GRIA4: variants seen among roughly 807,000 people sequenced by gnomAD.
The protein encoded by GRIA4 is glutamate receptor 4.
In GRIA4, 34 loss-of-function variants were observed where a neutral mutation model predicts 104.0. The ratio of observed to expected loss-of-function variants is 0.33; its 90% CI spans 0.25 to 0.44. The LOEUF (loss-of-function observed/expected upper bound fraction) is 0.44, where lower values mean the gene tolerates loss of function less well. Ranked by LOEUF, GRIA4 falls within the 20% of genes least tolerant of loss-of-function variation. The probability of loss-of-function intolerance (pLI) is 1.00; values close to 1 mark genes in which losing one functional copy is unlikely to be tolerated. For synonymous variants in GRIA4, 386 were observed against 381.9 expected (o/e 1.01, Z -0.13); for missense variants, 750 against 1,096.5 (o/e 0.68, Z 4.46).
At chr11:105,645,442 G>A (rs1489632775) in intron 3 of GRIA4, among the ~76,000 whole-genome samples, 1 of 152,140 alleles carries the variant, frequency 6.6e-6, no homozygotes, top group Non-Finnish European at 1.5e-5. Flanking sequence ...AAAGCAACAA[G>A]TTCAAAGATT....
chr11:105,738,241 T>C (rs1048983203), intron 3 of GRIA4, among the ~76,000 whole-genome samples: 4 of 152,194 alleles, frequency 2.6e-5, no homozygotes, highest in Non-Finnish European at 5.9e-5. Flanking sequence ...GAGGAATTAT[T>C]CATTCTGTAG....
At chr11:105,654,019 A>G (rs1297790106) in intron 3 of GRIA4, among the ~76,000 whole-genome samples, 11 of 148,594 alleles carry the variant, frequency 7.4e-5, no homozygotes, top group Non-Finnish European at 1.2e-4. Flanking sequence ...AAAAAAAAAA[A>G]AAAAAAAAGA....
chr11:105,874,897 C>G (rs904386355), intron 5 of GRIA4, among the ~76,000 whole-genome samples: 5 of 152,182 alleles, frequency 3.3e-5, no homozygotes, highest in African/African-American at 4.8e-5. Flanking sequence ...TATCTGAATA[C>G]ACTTCATCTC....
At chr11:105,893,455 A>G (rs1338790432) in intron 6 of GRIA4, among the ~76,000 whole-genome samples, 3 of 152,224 alleles carry the variant, frequency 2.0e-5, no homozygotes, top group Admixed American at 6.5e-5. Context: ...ATGAAAATAT[A>G]TGAAAAATAT....
intron 7 of GRIA4, among the ~76,000 whole-genome samples, chr11:105,902,775 A>G (rs1474584303): frequency 6.6e-6 from 1 of 152,192 alleles, no homozygotes; most frequent in Non-Finnish European, 1.5e-5. Context: ...TAAGGAACTG[A>G]CCATATGGAA....
chr11:105,867,606 G>A (rs1945470488), intron 5 of GRIA4, among the ~76,000 whole-genome samples: 1 of 152,116 alleles, frequency 6.6e-6, no homozygotes, highest in African/African-American at 2.4e-5. Context: ...ATAACTGGTT[G>A]AGTCAATACC....
chr11:105,803,862 AG>A (rs373661966), intron 4 of GRIA4, among the ~76,000 whole-genome samples: 3,487 of 136,630 alleles, frequency 0.026, 105 homozygotes, highest in African/African-American at 0.077. Flanking sequence ...AAAAAAAAAA[AG>A]AGAGAGAGAG....
intron 10 of GRIA4, among the ~76,000 whole-genome samples, chr11:105,918,403 T>C (rs1947468865): frequency 6.6e-6 from 1 of 152,130 alleles, no homozygotes; most frequent in Non-Finnish European, 1.5e-5. Context: ...CCAAAGAATA[T>C]AATTTATGCT....
chr11:105,918,190 C>T (rs1011123959), intron 10 of GRIA4, among the ~76,000 whole-genome samples: 20 of 152,146 alleles, frequency 1.3e-4, no homozygotes, highest in African/African-American at 4.3e-4. Flanking sequence ...CAAGTGCCTG[C>T]TCTGAGACAA....
At chr11:105,757,336 C>A (rs1235557782) in intron 4 of GRIA4, among the ~76,000 whole-genome samples, 1 of 151,970 alleles carries the variant, frequency 6.6e-6, no homozygotes, top group Non-Finnish European at 1.5e-5. Context: ...GTAAAGGATT[C>A]GAGGGCAGAT....
chr11:105,631,048 T>G (rs1445933120), intron 3 of GRIA4, among the ~76,000 whole-genome samples: 1 of 152,204 alleles, frequency 6.6e-6, no homozygotes, highest in Non-Finnish European at 1.5e-5. Context: ...CTCCCCACCT[T>G]GTTTATTACA....
intron 3 of GRIA4, among the ~76,000 whole-genome samples, chr11:105,624,736 G>A (rs568249428): frequency 1.3e-5 from 2 of 151,976 alleles, no homozygotes; most frequent in East Asian, 1.9e-4. Flanking sequence ...AAACATGCAC[G>A]TCTCCTGCTT....
intron 7 of GRIA4, among the ~76,000 whole-genome samples, chr11:105,902,639 G>C (rs1490975535): frequency 2.0e-5 from 3 of 152,082 alleles, no homozygotes; most frequent in Admixed American, 2.0e-4. Flanking sequence ...CCAGCCCTAA[G>C]TTTACTTTCT....
At chr11:105,704,140 TAA>T (rs960742545) in intron 3 of GRIA4, among the ~76,000 whole-genome samples, 1 of 152,164 alleles carries the variant, frequency 6.6e-6, no homozygotes, top group Non-Finnish European at 1.5e-5. Flanking sequence ...TAGCAGCCAC[TAA>T]AGAAATGGCC....
At chr11:105,904,318 C>T (rs1323806882) in intron 8 of GRIA4, among the ~76,000 whole-genome samples, 5 of 152,206 alleles carry the variant, frequency 3.3e-5, no homozygotes, top group African/African-American at 1.2e-4. Flanking sequence ...AGGACGTAGG[C>T]TTGCAGAGCA....
At chr11:105,704,822 T>C (rs1310377056) in intron 3 of GRIA4, among the ~76,000 whole-genome samples, 1 of 152,162 alleles carries the variant, frequency 6.6e-6, no homozygotes, top group African/African-American at 2.4e-5. Flanking sequence ...TTCAACATTA[T>C]AGCAATGTTT....
intron 3 of GRIA4, among the ~76,000 whole-genome samples, chr11:105,692,104 T>C (rs1189499106): frequency 3.3e-5 from 5 of 151,956 alleles, no homozygotes; most frequent in Admixed American, 2.6e-4. Flanking sequence ...TTAGGAGATA[T>C]AAAAATTTGA....
chr11:105,662,175 C>T (rs959821317), intron 3 of GRIA4, among the ~76,000 whole-genome samples: 4 of 151,802 alleles, frequency 2.6e-5, no homozygotes, highest in Non-Finnish European at 4.4e-5. Context: ...ATTGACTAAA[C>T]TAGATTAAAA....
chr11:105,963,058 T>A (rs1326136444), intron 14 of GRIA4, among the ~76,000 whole-genome samples: 1 of 152,074 alleles, frequency 6.6e-6, no homozygotes, highest in African/African-American at 2.4e-5. Context: ...TTCAAAAAAA[T>A]AATAAAATGT....
Sources: gnomAD v4.1 joint callset for allele counts (sites outside exome capture counted in the v4.1 genomes callset) on GRCh38, gnomAD v4.1.1 for gene constraint, MANE v1.5 for transcripts, NCBI Gene and HGNC (gene_info 2026-07-23, HGNC 2026-07-21) for gene names.